Variants in ISOC2 observed in about 807,000 individuals in gnomAD.
The protein encoded by ISOC2 is isochorismatase domain-containing protein 2.
In ISOC2, 15 loss-of-function variants were observed where a neutral mutation model predicts 19.3. That is an observed-to-expected ratio of 0.78 (90% CI 0.52 to 1.20). ISOC2 has a LOEUF of 1.20. Ranked by LOEUF, ISOC2 falls within the 50% of genes most tolerant of loss-of-function variation. ISOC2 has a pLI of 0.00. For missense variants in ISOC2, 285 were observed against 272.4 expected, an observed-to-expected ratio of 1.05 and a Z score of -0.33; for synonymous variants, 106 against 115.8, an observed-to-expected ratio of 0.92 and a Z score of 0.54.
intron 5 of ISOC2, chr19:55,453,610 C>G: frequency 2.5e-6 from 1 of 408,060 alleles, no homozygotes; most frequent in East Asian, 4.2e-5. Context: ...GCTTTGCGGG[C>G]TTGGACCACT....
rs201404288 is a variant in ISOC2, at chr19:55,456,405, G to A, written c.82C>T (p.Arg28Cys). ...TGTGGGAAGTAGGCGATGTTGTGGC[G>A]GAACTTCTCCTGCATGTCACACAGG... ...LFLCDMQEKFRHNIAYFPQIV... is the reference protein window; with the variant it reads ...LFLCDMQEKFCHNIAYFPQIV... Residue 28 changes from arginine to cysteine, a missense_variant, in exon 2 of 6, where the codon CGC becomes TGC. Physicochemically the swap from Arg to Cys is radical, Grantham distance 180. Transcript: ENST00000425675. 80 of 1,613,776 alleles carry A rather than the reference G, an allele frequency of 5.0e-5. No homozygotes were observed. The highest frequency in any genetic ancestry group is 4.0e-4 in the Admixed American group (24 of 59,972).
intron 3 of ISOC2, 86 bp downstream of exon 3, chr19:55,455,550 A>G: frequency 8.2e-7 from 1 of 1,216,266 alleles, no homozygotes; most frequent in Non-Finnish European, 1.1e-6. Context: ...AGGGAAGTGG[A>G]GGTTTCTGGT....
intron 5 of ISOC2, 63 bp downstream of exon 5, chr19:55,454,926 A>G: frequency 7.9e-7 from 1 of 1,262,948 alleles, no homozygotes; most frequent in Non-Finnish European, 1.2e-6. Flanking sequence ...ATGTATTCTC[A>G]GAGCCCAAAG....
intron 1 of ISOC2, among the ~76,000 whole-genome samples, chr19:55,458,699 T>C (rs907385983): frequency 4.6e-5 from 7 of 151,908 alleles, no homozygotes; most frequent in Admixed American, 6.6e-5. Context: ...GGCTAATTTT[T>C]GTATTTTTAG....
chr19:55,455,262 G>A lies in ISOC2; in HGVS notation c.417C>T (p.Arg139=). Residue 139 remains arginine, a splice_region_variant and synonymous_variant, in exon 4 of 6, where the codon CGC becomes CGT. Coordinates refer to ENST00000425675, the MANE Select transcript of ISOC2 (RefSeq NM_001136201.2). ...CACCCAGGCAGGGGCCCTCTCACCT[G>A]CGTGAGGAGCAGGCGTCCACCACCA... The part of the protein sequence containing the change: ...VHVVVDACSS[R]SQVDRLVALA... 1 of 1,610,432 alleles carries A rather than the reference G, an allele frequency of 6.2e-7. No individual in the cohort carries two copies. Among genetic ancestry groups the A allele is most frequent in the Non-Finnish European group, 8.5e-7 (1 of 1,178,244 alleles).
rs1036513017 is a variant in ISOC2 at position 55,456,392 on chromosome 19, G to A, written c.95C>T (p.Ala32Val). 1.2e-6 allele frequency: 2 copies of A among 1,613,932 alleles called. No homozygotes were observed. Among genetic ancestry groups the A allele is most frequent in the Admixed American group, 1.7e-5 (1 of 60,002 alleles). ...CACTGAGACGATCTGTGGGAAGTAG[G>A]CGATGTTGTGGCGGAACTTCTCCTG... ...DMQEKFRHNI[A>V]YFPQIVSVAA... The change falls in exon 2 of 6, where the codon GCC becomes GTC. Residue 32 changes from alanine (A) to valine (V), a missense_variant. Physicochemically the swap from Ala to Val is moderately conservative, Grantham distance 64. Coordinates refer to ENST00000425675, the MANE Select transcript of ISOC2 (RefSeq NM_001136201.2).
rs762015524 is a variant in ISOC2, at chr19:55,455,240, C to T, written c.419+20G>A. 7 of 1,598,520 alleles carry T rather than the reference C, an allele frequency of 4.4e-6. No individual in the cohort carries two copies. The South Asian group carries it at 7.8e-5, about 18-fold the overall frequency. Reference sequence around the variant, plus strand: ...CCTGATGGCCCCCACGTGCACCCACCCAGGCAGGGGCCCTCTCACCTGCGT... The same window carrying T: ...CCTGATGGCCCCCACGTGCACCCACTCAGGCAGGGGCCCTCTCACCTGCGT... On this transcript the variant is annotated intron_variant, in intron 4 of 5. Coordinates refer to ENST00000425675, the MANE Select transcript of ISOC2 (RefSeq NM_001136201.2).
chr19:55,455,604 C>T (rs12462602), intron 3 of ISOC2, 32 bp downstream of exon 3: 305,109 of 1,522,000 alleles, frequency 0.2, 31,532 homozygotes, highest in Admixed American at 0.28. Context: ...CAGGTTAGAA[C>T]GAGGGACCCC....
In ISOC2 at chr19:55,457,910, T is replaced by TG. The variant is rs550208210; in HGVS notation, c.-3-1422dup. Among the ~76,000 whole-genome samples the TG allele has an allele frequency of 2.8e-4, 42 of 150,508 alleles. No homozygotes were observed. The East Asian group carries it at 6.6e-3, about 24-fold the overall frequency. On this transcript the variant is annotated intron_variant, in intron 1 of 5. Coordinates refer to ENST00000425675, the MANE Select transcript of ISOC2 (RefSeq NM_001136201.2). Reference sequence around the variant, plus strand: ...GCCGGGAGGAATTCAGGTTGACTGCTGGGGGGTGTAGTTTTCAGTTTGGGA... The same window carrying TG: ...GCCGGGAGGAATTCAGGTTGACTGCTGGGGGGGTGTAGTTTTCAGTTTGGGA...
intron 2 of ISOC2, 122 bp from the exon 3 acceptor site, chr19:55,455,967 G>T: frequency 1.5e-6 from 1 of 659,642 alleles, no homozygotes; most frequent in Non-Finnish European, 2.4e-6. Context: ...GAGGGGCTGG[G>T]GGTCTGGACT....
At chr19:55,459,214 A>C (rs776944268) in intron 1 of ISOC2, among the ~76,000 whole-genome samples, 10 of 151,408 alleles carry the variant, frequency 6.6e-5, no homozygotes, top group Non-Finnish European at 1.5e-4. Context: ...TGGGATTACA[A>C]GCGTGAGCCA....
At chr19:55,459,616 C>G (rs1288526020) in intron 1 of ISOC2, 2 of 152,178 alleles carry the variant, frequency 1.3e-5, no homozygotes, top group Non-Finnish European at 2.9e-5. Flanking sequence ...CCCCTTTCCC[C>G]CCCGCCCCGC....
chr19:55,458,875 G>A (rs1986152614), intron 1 of ISOC2, among the ~76,000 whole-genome samples: 1 of 151,574 alleles, frequency 6.6e-6, no homozygotes, highest in Non-Finnish European at 1.5e-5. Flanking sequence ...GTTGTTCCTT[G>A]TCTTTCTTTC....
rs1248776140 is a variant in ISOC2, at chr19:55,455,102, C to T, written c.424G>A (p.Val142Met). ...CGGGCCAGAGCCACCAGCCGGTCCA[C>T]CTGGCTGTGAGTGGGAGGGAGGGAG... ...VVDACSSRSQ[V>M]DRLVALARMR... The change falls in exon 5 of 6, where the codon GTG (valine) becomes ATG (methionine). Residue 142 changes from valine to methionine, a missense_variant. Val to Met is a conservative substitution (Grantham distance 21). Coordinates refer to ENST00000425675, the MANE Select transcript of ISOC2 (RefSeq NM_001136201.2). 6.2e-7 allele frequency: 1 copy of T among 1,607,408 alleles called. No individual in the cohort carries two copies. The highest frequency in any genetic ancestry group is 1.7e-5 in the Admixed American group (1 of 59,784).
In ISOC2 at chr19:55,453,197, C is replaced by T; in HGVS notation, c.*111G>A. The T allele has an allele frequency of 1.5e-6, 1 of 666,824 alleles. No homozygotes were observed. The highest frequency in any genetic ancestry group is 2.4e-6 in the Non-Finnish European group (1 of 411,690). 41.3% of individuals were successfully genotyped at this position (666,824 alleles called of 1,614,324 possible). A position where few individuals can be genotyped will look rare whatever the true frequency, so the allele number is the denominator to read the frequency against. ...GCACCCTGCCCCCCCCACAAGGGGG[C>T]GGCACTCCTGGTGGATCGCACCACT... On this transcript the variant is annotated 3_prime_UTR_variant, in exon 6 of 6. Transcript: ENST00000425675.
chr19:55,461,068 G>C (rs1986220722), intron 1 of ISOC2, among the ~76,000 whole-genome samples: 1 of 152,132 alleles, frequency 6.6e-6, no homozygotes, highest in African/African-American at 2.4e-5. Context: ...GGGCTGGAGA[G>C]GGTTGGGCGT....
At chr19:55,455,390 A>G (rs1407934397) in intron 3 of ISOC2, 60 bp from the exon 4 acceptor site, 1 of 1,598,508 alleles carries the variant, frequency 6.3e-7, no homozygotes, top group Admixed American at 1.7e-5. Context: ...TGGGTAAGGA[A>G]TTGGGGATGG....
chr19:55,453,848 AAAT>A (rs1032075284), intron 5 of ISOC2: 23 of 152,172 alleles, frequency 1.5e-4, no homozygotes, highest in African/African-American at 5.6e-4. Flanking sequence ...TAAAATAAAT[AAAT>A]AAATAAATAA....
intron 3 of ISOC2, 144 bp from the exon 4 acceptor site, chr19:55,455,474 G>A: frequency 2.5e-6 from 3 of 1,211,404 alleles, no homozygotes; most frequent in Non-Finnish European, 1.2e-6. Flanking sequence ...AGGTCAGGAG[G>A]GGATCCAAGA....
Sources: allele counts gnomAD v4.1 joint callset (sites outside exome capture counted in the v4.1 genomes callset), GRCh38; gene constraint gnomAD v4.1.1; transcripts MANE v1.5; gene names NCBI Gene and HGNC (gene_info 2026-07-23, HGNC 2026-07-21).